Variants in NKAIN3 observed in about 807,000 individuals in gnomAD.
NKAIN3 encodes the protein sodium/potassium transporting ATPase interacting 3, also known as sodium/potassium-transporting ATPase subunit beta-1-interacting protein 3.
A neutral mutation model predicts 30.2 loss-of-function variants in NKAIN3; 25 were observed. The ratio of observed to expected loss-of-function variants is 0.83; its 90% CI spans 0.60 to 1.16. The LOEUF (loss-of-function observed/expected upper bound fraction) is 1.16, where lower values mean the gene tolerates loss of function less well. Ranked by LOEUF, NKAIN3 falls within the 50% of genes most tolerant of loss-of-function variation. NKAIN3 has a pLI of 0.00. For missense variants in NKAIN3, 225 were observed against 254.1 expected (o/e 0.89, Z 0.78); for synonymous variants, 91 against 89.6 (o/e 1.02, Z -0.09).
At chr8:62,919,466 C>T (rs182510137) in intron 5 of NKAIN3, among the ~76,000 whole-genome samples, 202 of 151,808 alleles carry the variant, frequency 1.3e-3, no homozygotes, top group African/African-American at 4.7e-3. Context: ...AGGATGGTCT[C>T]GATCTCCTGA....
intron 1 of NKAIN3, among the ~76,000 whole-genome samples, chr8:62,524,185 GA>G (rs1328499265): frequency 6.6e-6 from 1 of 151,388 alleles, no homozygotes; most frequent in Non-Finnish European, 1.5e-5. Context: ...ATGGAAAAAA[GA>G]AGTAAAAAGT....
intron 3 of NKAIN3, among the ~76,000 whole-genome samples, chr8:62,745,407 A>G: frequency 6.6e-6 from 1 of 152,186 alleles, no homozygotes; most frequent in East Asian, 1.9e-4. Flanking sequence ...AATAAACAAA[A>G]GCTGACTCTG....
chr8:62,758,658 G>T (rs1169033609), intron 4 of NKAIN3, among the ~76,000 whole-genome samples: 1 of 152,128 alleles, frequency 6.6e-6, no homozygotes, highest in Admixed American at 6.6e-5. Context: ...TCAGAGCTGG[G>T]TTGACAGAGT....
intron 1 of NKAIN3, among the ~76,000 whole-genome samples, chr8:62,472,349 G>A (rs919256265): frequency 6.6e-6 from 1 of 152,134 alleles, no homozygotes; most frequent in African/African-American, 2.4e-5. Flanking sequence ...TCCATGCAGG[G>A]GGAGTCAGCA....
intron 3 of NKAIN3, among the ~76,000 whole-genome samples, chr8:62,613,304 C>A (rs956133931): frequency 2.6e-5 from 4 of 152,074 alleles, no homozygotes; most frequent in South Asian, 2.1e-4. Context: ...TATTCTAGGA[C>A]AAAAGTTATT....
intron 3 of NKAIN3, among the ~76,000 whole-genome samples, chr8:62,710,104 T>A (rs1814667674): frequency 6.6e-6 from 1 of 152,172 alleles, no homozygotes; most frequent in Admixed American, 6.5e-5. Flanking sequence ...ATAATTTCCA[T>A]TTTCTTAAAT....
At chr8:62,700,755 G>C (rs1047159354) in intron 3 of NKAIN3, among the ~76,000 whole-genome samples, 1 of 152,176 alleles carries the variant, frequency 6.6e-6, no homozygotes, top group African/African-American at 2.4e-5. Context: ...TAACTGTTTT[G>C]TGTTGTCTAG....
intron 4 of NKAIN3, among the ~76,000 whole-genome samples, chr8:62,780,784 C>T (rs1186535470): frequency 6.6e-6 from 1 of 151,970 alleles, no homozygotes; most frequent in East Asian, 1.9e-4. Flanking sequence ...ATAGAAGAAA[C>T]ATATCTCAAA....
At position 62,285,369 on chromosome 8, in the gene NKAIN3, A is replaced by G. The variant is rs188763575; in HGVS notation, c.54+36242A>G. 1.8e-3 allele frequency among the ~76,000 whole-genome samples: 278 copies of G among 152,206 alleles called. 1 individual carries two copies. Among genetic ancestry groups the G allele is most frequent in the African/African-American group, 6.4e-3 (267 of 41,550 alleles). On this transcript the variant is annotated intron_variant, in intron 1 of 6. Coordinates refer to ENST00000623646, the MANE Select transcript of NKAIN3 (RefSeq NM_001304533.3). ...GAAATAGCGTCTGCTTTATGGGGGGAAATTCTAGCTTTGTTGTATCTCATT... is the reference window on the plus strand; with the variant it reads ...GAAATAGCGTCTGCTTTATGGGGGGGAATTCTAGCTTTGTTGTATCTCATT...
intron 3 of NKAIN3, among the ~76,000 whole-genome samples, chr8:62,654,456 C>T (rs1308066164): frequency 2.0e-5 from 3 of 152,022 alleles, no homozygotes; most frequent in African/African-American, 7.2e-5. Context: ...AATCCACTGT[C>T]GGCACATCAC....
chr8:62,903,818 G>A (rs148222391), intron 4 of NKAIN3, among the ~76,000 whole-genome samples: 212 of 152,198 alleles, frequency 1.4e-3, no homozygotes, highest in African/African-American at 3.9e-3. Flanking sequence ...ACAGGGTGGC[G>A]GGAGAGAGAA....
intron 1 of NKAIN3, among the ~76,000 whole-genome samples, chr8:62,262,314 C>T (rs959770084): frequency 6.6e-6 from 1 of 152,146 alleles, no homozygotes; most frequent in African/African-American, 2.4e-5. Context: ...GAAATGCAAG[C>T]TTTCTGCAGA....
At chr8:62,636,517 G>T (rs1169338642) in intron 3 of NKAIN3, among the ~76,000 whole-genome samples, 1 of 152,152 alleles carries the variant, frequency 6.6e-6, no homozygotes, top group Middle Eastern at 3.2e-3. Context: ...GTAGTAAAGA[G>T]CATATTTTAA....
intron 4 of NKAIN3, among the ~76,000 whole-genome samples, chr8:62,757,432 T>A (rs1816488873): frequency 6.6e-6 from 1 of 152,184 alleles, no homozygotes; most frequent in Non-Finnish European, 1.5e-5. Context: ...AAGCCCCTAC[T>A]CTGTAAGAGC....
chr8:62,554,365 T>C (rs1585939599), intron 1 of NKAIN3, among the ~76,000 whole-genome samples: 1 of 152,264 alleles, frequency 6.6e-6, no homozygotes, highest in Admixed American at 6.5e-5. Flanking sequence ...ATACTCAAGC[T>C]AGGAGTCTAA....
intron 1 of NKAIN3, among the ~76,000 whole-genome samples, chr8:62,540,081 T>C (rs376683666): frequency 2.4e-4 from 36 of 152,322 alleles, no homozygotes; most frequent in African/African-American, 8.4e-4. Context: ...ATCAACATAA[T>C]TTAACAATCA....
rs550742764 is a variant in NKAIN3, at chr8:62,784,948, A to C, written c.471+37819A>C. On this transcript the variant is annotated intron_variant, in intron 4 of 6. Coordinates refer to ENST00000623646, the MANE Select transcript of NKAIN3 (RefSeq NM_001304533.3). ...ACTAATTGGGCTATGATTTAAAAAGACAGACAGTTACAAATGTGGGTGAAG... is the reference window on the plus strand; with the variant it reads ...ACTAATTGGGCTATGATTTAAAAAGCCAGACAGTTACAAATGTGGGTGAAG... Among the ~76,000 whole-genome samples the C allele has an allele frequency of 5.3e-5, 8 of 152,330 alleles. No homozygotes were observed. In the South Asian group the frequency reaches 1.7e-3, roughly 32 times the overall value.
chr8:62,536,199 T>A (rs138026609), intron 1 of NKAIN3, among the ~76,000 whole-genome samples: 6,561 of 152,258 alleles, frequency 0.043, 193 homozygotes, highest in South Asian at 0.095. Flanking sequence ...AAAGAATGCT[T>A]ATAGCATTTT....
In NKAIN3 at chr8:62,643,083, T is replaced by G. The variant is rs569364371; in HGVS notation, c.273+53289T>G. On this transcript the variant is annotated intron_variant, in intron 3 of 6. Coordinates refer to ENST00000623646, the MANE Select transcript of NKAIN3 (RefSeq NM_001304533.3). ...CTAAAAGAATCCTTTGATAGCATCT[T>G]TTTTTGGCCTTTCTTTAAGATAACT... Among the ~76,000 whole-genome samples the G allele has an allele frequency of 2.7e-5, 4 of 149,180 alleles. No individual in the cohort carries two copies. The South Asian group carries it at 8.3e-4, about 31-fold the overall frequency.
Sources: allele counts gnomAD v4.1 joint callset (sites outside exome capture counted in the v4.1 genomes callset), GRCh38; gene constraint gnomAD v4.1.1; transcripts MANE v1.5; gene names NCBI Gene and HGNC (gene_info 2026-07-23, HGNC 2026-07-21).